Variants in C2orf49 observed in about 807,000 individuals in gnomAD.
The protein encoded by C2orf49 is tRNA-splicing ligase complex subunit ASW.
In C2orf49, 11 loss-of-function variants were observed where a neutral mutation model predicts 20.6. The ratio of observed to expected loss-of-function variants is 0.53; its 90% CI spans 0.34 to 0.88. The LOEUF is 0.88. Among genes scored for constraint, C2orf49 ranks in the 40% least tolerant of loss-of-function variants. C2orf49 has a pLI of 0.02. For synonymous variants in C2orf49, 134 were observed against 108.5 expected (o/e 1.24, Z -1.46); for missense variants, 289 against 274.2 (o/e 1.05, Z -0.38).
chr2:105,365,515 TTGA>T, the C2orf49 span, among the ~76,000 whole-genome samples: 1 of 152,102 alleles, frequency 6.6e-6, no homozygotes, highest in Non-Finnish European at 1.5e-5. Flanking sequence ...CCGTTAGGTC[TTGA>T]TGAGAAGAAC....
At chr2:105,344,583 T>C (rs890394067) in intron 3 of C2orf49, among the ~76,000 whole-genome samples, 1 of 151,898 alleles carries the variant, frequency 6.6e-6, no homozygotes, top group Non-Finnish European at 1.5e-5. Flanking sequence ...GTTTTTGTTG[T>C]GTTGTTTGTT....
At chr2:105,362,476 C>A in the C2orf49 span, among the ~76,000 whole-genome samples, 1 of 152,186 alleles carries the variant, frequency 6.6e-6, no homozygotes, top group African/African-American at 2.4e-5. Context: ...TGTAGTTACA[C>A]TGAAAAGCCA....
the C2orf49 span, chr2:105,373,630 A>C: frequency 1.9e-6 from 3 of 1,614,212 alleles, no homozygotes; most frequent in Non-Finnish European, 2.5e-6. Flanking sequence ...TGTACAGAGC[A>C]GCTGGTCCTC....
chr2:105,341,076 T>C (rs551789665), intron 2 of C2orf49, among the ~76,000 whole-genome samples: 2 of 152,366 alleles, frequency 1.3e-5, no homozygotes, highest in South Asian at 4.1e-4. Context: ...ATTGACCATT[T>C]TAGCTTGATG....
At chr2:105,349,384 C>T (rs1024348641), downstream of C2orf49, among the ~76,000 whole-genome samples, 2 of 152,210 alleles carry the variant, frequency 1.3e-5, no homozygotes, top group Non-Finnish European at 1.5e-5. Flanking sequence ...CATGCACCAG[C>T]ACACCCAGCT....
chr2:105,349,670 G>A (rs894533756), downstream of C2orf49, among the ~76,000 whole-genome samples: 12 of 152,178 alleles, frequency 7.9e-5, no homozygotes, highest in Admixed American at 6.5e-5. Context: ...AACAGACAGT[G>A]AACCATGAAA....
chr2:105,356,806 C>A, the C2orf49 span, among the ~76,000 whole-genome samples: 25,567 of 152,178 alleles, frequency 0.17, 2,313 homozygotes, highest in Middle Eastern at 0.22. Flanking sequence ...TTATCTTTGG[C>A]ATTCAGCATT....
At chr2:105,351,397 A>C (rs1164953504), downstream of C2orf49, among the ~76,000 whole-genome samples, 2 of 147,484 alleles carry the variant, frequency 1.4e-5, no homozygotes, top group Non-Finnish European at 3.0e-5. Context: ...CACTTAAGGA[A>C]TGCAGAGTTA....
chr2:105,369,291 A>G, the C2orf49 span, among the ~76,000 whole-genome samples: 810 of 152,338 alleles, frequency 5.3e-3, 11 homozygotes, highest in African/African-American at 0.019. Context: ...AGACTAGTCC[A>G]TAGCTCTCAG....
the C2orf49 span, among the ~76,000 whole-genome samples, chr2:105,364,023 G>A: frequency 3.9e-5 from 6 of 152,148 alleles, no homozygotes; most frequent in African/African-American, 9.7e-5. Flanking sequence ...TTGGGAGGCC[G>A]AGGCAGGTGG....
chr2:105,353,730 C>T (rs1455091894), downstream of C2orf49, among the ~76,000 whole-genome samples: 1 of 152,126 alleles, frequency 6.6e-6, no homozygotes, highest in African/African-American at 2.4e-5. Flanking sequence ...TAGAATTAAC[C>T]TTATCCTTAT....
At chr2:105,366,568 C>T in the C2orf49 span, among the ~76,000 whole-genome samples, 6 of 152,150 alleles carry the variant, frequency 3.9e-5, no homozygotes, top group South Asian at 2.1e-4. Flanking sequence ...ATAAGAATTG[C>T]GTGTGTCTAA....
the C2orf49 span, among the ~76,000 whole-genome samples, chr2:105,384,876 C>T: frequency 1.3e-5 from 2 of 152,288 alleles, no homozygotes; most frequent in East Asian, 1.9e-4. Flanking sequence ...CAAGGCCACA[C>T]AGCAAGTGAG....
Position 105,337,605 on chromosome 2 carries a change from C to T in C2orf49, c.18C>T (p.Gly6=), listed in dbSNP as rs780656337. 5.6e-6 allele frequency: 9 copies of T among 1,612,406 alleles called. No homozygotes were observed. The highest frequency in any genetic ancestry group is 3.3e-5 in the Admixed American group (2 of 59,934). The change falls in exon 1 of 4, where the codon GGC becomes GGT. Residue 6 remains glycine, a synonymous_variant. Transcript: ENST00000258457. ...CGACGACCATGGCGGGGGATGTGGG[C>T]GGTCGCAGCTGCACGGACTCGGAAC... The part of the protein sequence containing the change: MAGDV[G]GRSCTDSELL...
the C2orf49 span, among the ~76,000 whole-genome samples, chr2:105,383,035 G>A: frequency 2.6e-5 from 4 of 152,084 alleles, no homozygotes; most frequent in South Asian, 2.1e-4. Flanking sequence ...ACAGGTGCAC[G>A]CCACCACACC....
the C2orf49 span, chr2:105,363,303 A>G: frequency 6.2e-7 from 1 of 1,614,114 alleles, no homozygotes; most frequent in East Asian, 2.2e-5. Flanking sequence ...GGGTTGGTGC[A>G]CCCAGCACAC....
At chr2:105,367,733 C>A in the C2orf49 span, 107 of 1,613,110 alleles carry the variant, frequency 6.6e-5, no homozygotes, top group Non-Finnish European at 8.6e-5. Flanking sequence ...CTCCATCTTG[C>A]GGGTACCTGT....
chr2:105,354,710 T>C, the C2orf49 span, among the ~76,000 whole-genome samples: 1 of 152,164 alleles, frequency 6.6e-6, no homozygotes, highest in Non-Finnish European at 1.5e-5. Flanking sequence ...TCCTAAATAT[T>C]AAATATTATC....
At chr2:105,338,885 T>G (rs1326161678) in intron 1 of C2orf49, among the ~76,000 whole-genome samples, 1 of 152,254 alleles carries the variant, frequency 6.6e-6, no homozygotes, top group Non-Finnish European at 1.5e-5. Flanking sequence ...TCATGACTAC[T>G]CCTGTGCTTA....
Sources: allele counts gnomAD v4.1 joint callset (sites outside exome capture counted in the v4.1 genomes callset), GRCh38; gene constraint gnomAD v4.1.1; transcripts MANE v1.5; gene names NCBI Gene and HGNC (gene_info 2026-07-23, HGNC 2026-07-21).